The following EPHA6 variants were observed in gnomAD, a reference collection of about 807,000 sequenced individuals.
EPHA6 encodes the protein ephrin type-A receptor 6.
A neutral mutation model predicts 112.0 loss-of-function variants in EPHA6; 50 were observed. The ratio of observed to expected loss-of-function variants is 0.45; its 90% CI spans 0.36 to 0.56. EPHA6 has a LOEUF of 0.56. EPHA6 is among the 20% of genes least tolerant of loss of function. The pLI is 0.00. For missense variants in EPHA6, 1,280 were observed against 1,417.4 expected (o/e 0.90, Z 1.56); for synonymous variants, 529 against 490.7 (o/e 1.08, Z -1.03).
rs2092391732 is a variant in EPHA6, at chr3:97,512,997, G to A, written c.2201-19361G>A. Among the ~76,000 whole-genome samples, 3 of 152,124 alleles carry A rather than the reference G, an allele frequency of 2.0e-5. No homozygotes were observed. The East Asian group carries it at 5.8e-4, about 29-fold the overall frequency. The stretch of plus-strand genomic sequence containing the variant: ...CTCAATTAACTATTGAAAATGTTTA[G>A]TGTGTACTTTCACATAGAGAGTTAA... On this transcript the variant is annotated intron_variant, in intron 10 of 17. Transcript: ENST00000389672.
chr3:97,689,424 A>G, intron 14 of EPHA6, among the ~76,000 whole-genome samples: 1 of 152,180 alleles, frequency 6.6e-6, no homozygotes, highest in East Asian at 1.9e-4. Context: ...AGATATATAA[A>G]AATTAATTTT....
chr3:97,670,229 A>G (rs1244071670), intron 14 of EPHA6, among the ~76,000 whole-genome samples: 3 of 152,220 alleles, frequency 2.0e-5, no homozygotes, highest in Non-Finnish European at 2.9e-5. Flanking sequence ...ATAAAACACC[A>G]TAAATACAGC....
chr3:97,615,256 C>G (rs192260495), intron 13 of EPHA6, among the ~76,000 whole-genome samples: 1 of 152,252 alleles, frequency 6.6e-6, no homozygotes, highest in Non-Finnish European at 1.5e-5. Flanking sequence ...AGGAGATGCC[C>G]TTGCGAACCC....
intron 8 of EPHA6, among the ~76,000 whole-genome samples, chr3:97,477,109 T>C (rs16838759): frequency 0.19 from 28,815 of 152,004 alleles, 4,108 homozygotes; most frequent in African/African-American, 0.38. Flanking sequence ...AGGGCAAACC[T>C]CTGACAGCTA....
At chr3:97,519,498 CTG>C (rs1355758151) in intron 10 of EPHA6, among the ~76,000 whole-genome samples, 6 of 152,106 alleles carry the variant, frequency 3.9e-5, no homozygotes, top group African/African-American at 1.4e-4. Context: ...AATTGTAAAG[CTG>C]TTTTTTCTAT....
intron 1 of EPHA6, among the ~76,000 whole-genome samples, chr3:96,823,499 A>T (rs2033428063): frequency 6.7e-6 from 1 of 149,602 alleles, no homozygotes; most frequent in African/African-American, 2.5e-5. Flanking sequence ...TTTTAATATT[A>T]AAAATCTCTT....
intron 11 of EPHA6, among the ~76,000 whole-genome samples, chr3:97,543,175 T>G (rs758024501): frequency 3.9e-4 from 60 of 152,252 alleles, no homozygotes; most frequent in Admixed American, 7.9e-4. Flanking sequence ...TGCCCATGCC[T>G]ATGTCCTGAA....
At chr3:97,581,773 TTGCAGCTTTG>T in intron 11 of EPHA6, among the ~76,000 whole-genome samples, 1 of 152,214 alleles carries the variant, frequency 6.6e-6, no homozygotes, top group African/African-American at 2.4e-5. Flanking sequence ...GCTCTTCCCA[TTGCAGCTTTG>T]CTGCCTCCTG....
At chr3:97,646,386 C>T in intron 14 of EPHA6, 1 of 1,016,630 alleles carries the variant, frequency 9.8e-7, no homozygotes, top group Non-Finnish European at 1.3e-6. Context: ...TTTCAAAATA[C>T]ACTAAAGTAA....
chr3:97,317,224 A>G (rs1324737332), intron 5 of EPHA6, among the ~76,000 whole-genome samples: 1 of 151,898 alleles, frequency 6.6e-6, no homozygotes. Context: ...ATATCTCCCA[A>G]AAGAAGATCA....
intron 3 of EPHA6, among the ~76,000 whole-genome samples, chr3:97,051,085 C>T (rs2045670217): frequency 6.6e-6 from 1 of 152,066 alleles, no homozygotes; most frequent in African/African-American, 2.4e-5. Context: ...ACAGGCTTGT[C>T]AGGACCCTTA....
intron 5 of EPHA6, among the ~76,000 whole-genome samples, chr3:97,319,905 G>T (rs1383578664): frequency 6.6e-6 from 1 of 151,948 alleles, no homozygotes; most frequent in Non-Finnish European, 1.5e-5. Flanking sequence ...TGTAGGGGTA[G>T]TTTTAGAATT....
chr3:97,479,254 A>T, intron 8 of EPHA6, 40 bp from the exon 9 acceptor site: 1 of 1,387,962 alleles, frequency 7.2e-7, no homozygotes, highest in Non-Finnish European at 9.8e-7. Context: ...TATGCATCAT[A>T]CTTCTTAAAA....
intron 10 of EPHA6, among the ~76,000 whole-genome samples, chr3:97,490,317 A>G (rs1311874603): frequency 1.3e-5 from 2 of 152,166 alleles, no homozygotes; most frequent in East Asian, 3.8e-4. Context: ...CTTTATATTA[A>G]CAATTTACTT....
chr3:97,374,160 A>T (rs2085217017), intron 5 of EPHA6, among the ~76,000 whole-genome samples: 1 of 151,944 alleles, frequency 6.6e-6, no homozygotes, highest in Non-Finnish European at 1.5e-5. Context: ...AAAGCTCCAA[A>T]CTTCATATAC....
chr3:97,241,579 T>C (rs2078847056), intron 4 of EPHA6, among the ~76,000 whole-genome samples: 1 of 151,784 alleles, frequency 6.6e-6, no homozygotes, highest in Non-Finnish European at 1.5e-5. Flanking sequence ...GAATTAATTG[T>C]CTCTCTTTGT....
intron 2 of EPHA6, among the ~76,000 whole-genome samples, chr3:96,895,275 T>TA (rs1330314129): frequency 6.6e-6 from 1 of 151,512 alleles, no homozygotes; most frequent in African/African-American, 2.4e-5. Flanking sequence ...CACAAAAAAT[T>TA]AAAAAAATAA....
intron 3 of EPHA6, among the ~76,000 whole-genome samples, chr3:97,135,362 A>G (rs747376975): frequency 1.3e-5 from 2 of 152,154 alleles, no homozygotes; most frequent in African/African-American, 4.8e-5. Flanking sequence ...GTATTTAAAC[A>G]TAGCTCCTGT....
chr3:97,356,796 G>A (rs1257686495), intron 5 of EPHA6, among the ~76,000 whole-genome samples: 1 of 152,108 alleles, frequency 6.6e-6, no homozygotes, highest in Non-Finnish European at 1.5e-5. Context: ...ACATCTGTTA[G>A]ATCTAGTAGG....
Sources: gnomAD v4.1 joint callset for allele counts (sites outside exome capture counted in the v4.1 genomes callset) on GRCh38, gnomAD v4.1.1 for gene constraint, MANE v1.5 for transcripts, NCBI Gene and HGNC (gene_info 2026-07-23, HGNC 2026-07-21) for gene names.